Variants in PRDM6 observed in about 807,000 individuals in gnomAD.
The protein encoded by PRDM6 is putative histone-lysine N-methyltransferase PRDM6.
In PRDM6, 25 loss-of-function variants were observed where a neutral mutation model predicts 60.8. That is an observed-to-expected ratio of 0.41 (90% CI 0.30 to 0.57). The LOEUF is 0.57. PRDM6 is among the 20% of genes least tolerant of loss of function. PRDM6 has a pLI of 0.27. For missense variants in PRDM6, 839 were observed against 821.3 expected, an observed-to-expected ratio of 1.02 and a Z score of -0.26; for synonymous variants, 407 against 357.4, an observed-to-expected ratio of 1.14 and a Z score of -1.57.
In PRDM6 at chr5:123,187,069, C is replaced by G. The variant is rs1273477680; in HGVS notation, c.1674-18C>G. On this transcript the variant is annotated intron_variant, in intron 7 of 7. Transcript: ENST00000407847. ...GGCCCCGCTCCCTGGTCTCAATTTTCTCTCTTGCCTCCACCAGGTGCGAGA... is the reference window on the plus strand; with the variant it reads ...GGCCCCGCTCCCTGGTCTCAATTTTGTCTCTTGCCTCCACCAGGTGCGAGA... The G allele has an allele frequency of 1.3e-6, 2 of 1,545,312 alleles. No homozygotes were observed. Among genetic ancestry groups the G allele is most frequent in the South Asian group, 1.2e-5 (1 of 83,868 alleles).
At chr5:123,101,747 G>A (rs571364125) in intron 3 of PRDM6, among the ~76,000 whole-genome samples, 1 of 152,258 alleles carries the variant, frequency 6.6e-6, no homozygotes, top group African/African-American at 2.4e-5. Flanking sequence ...CCCCCAGAAG[G>A]CTTTGAATGA....
intron 3 of PRDM6, among the ~76,000 whole-genome samples, chr5:123,103,369 A>C (rs779578057): frequency 1.3e-5 from 2 of 152,076 alleles, no homozygotes; most frequent in African/African-American, 4.8e-5. Context: ...AAAACAAAAC[A>C]TTACAAGGTG....
chr5:123,170,813 C>T lies in PRDM6; in HGVS notation c.1201C>T (p.Leu401=), dbSNP rs1193171249. Reference sequence around the variant, plus strand: ...GGAAGCCATGTGCAGACAAGACGCCCTGCAGCCCTTCAACAAAAGCAGCAA... The same window carrying T: ...GGAAGCCATGTGCAGACAAGACGCCTTGCAGCCCTTCAACAAAAGCAGCAA... ...VMEAMCRQDA[L]QPFNKSSKLA... The change falls in exon 6 of 8, where the codon CTG becomes TTG. Residue 401 remains leucine (L), a synonymous_variant. Coordinates refer to ENST00000407847, the MANE Select transcript of PRDM6 (RefSeq NM_001136239.4). 9.7e-6 allele frequency: 15 copies of T among 1,552,072 alleles called. No individual in the cohort carries two copies. In the East Asian group the frequency reaches 2.9e-4, roughly 30 times the overall value.
intron 4 of PRDM6, among the ~76,000 whole-genome samples, chr5:123,159,240 A>G (rs979729750): frequency 6.6e-6 from 1 of 152,190 alleles, no homozygotes; most frequent in African/African-American, 2.4e-5. Context: ...TTTAAAATTA[A>G]TTCTTCCTTT....
At chr5:123,108,690 A>T (rs337132) in intron 3 of PRDM6, among the ~76,000 whole-genome samples, 30,258 of 152,152 alleles carry the variant, frequency 0.2, 3,681 homozygotes, top group East Asian at 0.4. Context: ...AAAAGCGGAA[A>T]TTAATTTTTA....
intron 3 of PRDM6, among the ~76,000 whole-genome samples, chr5:123,136,978 T>C (rs1273910078): frequency 1.3e-5 from 2 of 152,230 alleles, no homozygotes; most frequent in African/African-American, 2.4e-5. Flanking sequence ...TACATCTCTT[T>C]CTAACTGTAT....
chr5:123,106,961 T>A (rs1342436872), intron 3 of PRDM6, among the ~76,000 whole-genome samples: 1 of 152,204 alleles, frequency 6.6e-6, no homozygotes, highest in Non-Finnish European at 1.5e-5. Flanking sequence ...CTAAACCAGG[T>A]TACTCTTCCC....
intron 3 of PRDM6, among the ~76,000 whole-genome samples, chr5:123,121,998 C>G (rs1764591527): frequency 6.6e-6 from 1 of 150,990 alleles, no homozygotes. Context: ...CCCGTCTCTA[C>G]TAAAAATAGG....
intron 2 of PRDM6, among the ~76,000 whole-genome samples, chr5:123,092,793 A>G (rs1244685350): frequency 6.6e-6 from 1 of 152,184 alleles, no homozygotes; most frequent in African/African-American, 2.4e-5. Context: ...AGCGCTGTGT[A>G]ATGCTGGGAG....
At position 123,185,634 on chromosome 5, in the gene PRDM6, G is replaced by A. The variant is rs144734690; in HGVS notation, c.1674-1453G>A. On this transcript the variant is annotated intron_variant, in intron 7 of 7. Coordinates refer to ENST00000407847, the MANE Select transcript of PRDM6 (RefSeq NM_001136239.4). ...GAACAGGCTGCTAAAAATATTCCCC[G>A]AAAGACAATCAAAGAAACACAAGTT... 3.9e-3 allele frequency among the ~76,000 whole-genome samples: 597 copies of A among 152,226 alleles called. 2 individuals are homozygous for A. The highest frequency in any genetic ancestry group is 4.4e-3 in the African/African-American group (183 of 41,542).
At chr5:123,186,630 A>G (rs1199606220) in intron 7 of PRDM6, among the ~76,000 whole-genome samples, 3 of 152,208 alleles carry the variant, frequency 2.0e-5, no homozygotes, top group Non-Finnish European at 4.4e-5. Flanking sequence ...CTAGTTTCCA[A>G]ATTCCAAGAT....
intron 3 of PRDM6, among the ~76,000 whole-genome samples, chr5:123,119,502 A>G (rs1458466543): frequency 6.6e-6 from 1 of 152,118 alleles, no homozygotes; most frequent in African/African-American, 2.4e-5. Context: ...TGCAACATCT[A>G]CACTCCTGCT....
chr5:123,122,617 G>A (rs893790727), intron 3 of PRDM6, among the ~76,000 whole-genome samples: 2 of 151,936 alleles, frequency 1.3e-5, no homozygotes, highest in African/African-American at 4.8e-5. Flanking sequence ...TGTAGTTATC[G>A]ATCTTTTCAT....
chr5:123,092,975 G>T (rs1301281482), intron 2 of PRDM6, among the ~76,000 whole-genome samples: 1 of 152,228 alleles, frequency 6.6e-6, no homozygotes, highest in East Asian at 1.9e-4. Flanking sequence ...TTTGGCAGGG[G>T]AAGTTGGCAT....
intron 7 of PRDM6, among the ~76,000 whole-genome samples, chr5:123,185,546 G>GGA (rs1766267409): frequency 6.6e-6 from 1 of 152,158 alleles, no homozygotes; most frequent in South Asian, 2.1e-4. Context: ...TGAGCTGATA[G>GGA]GTCTGATACA....
At chr5:123,102,684 T>A (rs1764130441) in intron 3 of PRDM6, among the ~76,000 whole-genome samples, 1 of 152,194 alleles carries the variant, frequency 6.6e-6, no homozygotes, top group African/African-American at 2.4e-5. Context: ...ACTGTAATCA[T>A]TTCTCTTCCT....
Position 123,187,665 on chromosome 5 carries a change from G to A in PRDM6, c.*464G>A, listed in dbSNP as rs1448128755. 1 of 158,200 alleles carries A rather than the reference G, an allele frequency of 6.3e-6. No homozygotes were observed. The highest frequency in any genetic ancestry group is 2.4e-5 in the African/African-American group (1 of 41,534). The allele number at this position is 158,200 out of a possible 1,614,324, so 9.8% of individuals were successfully genotyped here. Reference sequence around the variant, plus strand: ...CTGCTGTGTCAGTTTGGCCTGGCCTGACACTGGCTGCCCCAGCGGGGACCA... The same window carrying A: ...CTGCTGTGTCAGTTTGGCCTGGCCTAACACTGGCTGCCCCAGCGGGGACCA... On this transcript the variant is annotated 3_prime_UTR_variant, in exon 8 of 8. Transcript: ENST00000407847.
At chr5:123,121,987 C>T (rs1388767716) in intron 3 of PRDM6, among the ~76,000 whole-genome samples, 1 of 151,112 alleles carries the variant, frequency 6.6e-6, no homozygotes, top group Non-Finnish European at 1.5e-5. Context: ...CACAGGGAGA[C>T]CCCGTCTCTA....
chr5:123,178,956 A>G (rs1319491684), intron 6 of PRDM6, among the ~76,000 whole-genome samples: 1 of 152,258 alleles, frequency 6.6e-6, no homozygotes, highest in South Asian at 2.1e-4. Flanking sequence ...GCAGCCAGAA[A>G]TGTCTGGCTC....
Sources: allele counts gnomAD v4.1 joint callset (sites outside exome capture counted in the v4.1 genomes callset), GRCh38; gene constraint gnomAD v4.1.1; transcripts MANE v1.5; gene names NCBI Gene and HGNC (gene_info 2026-07-23, HGNC 2026-07-21).